The following UBFD1 variants were observed in gnomAD, a reference collection of about 807,000 sequenced individuals.
UBFD1 encodes the protein ubiquitin domain-containing protein UBFD1.
In UBFD1, 12 loss-of-function variants were observed where a neutral mutation model predicts 35.1. The observed-to-expected ratio is 0.34, with a 90% CI of 0.22 to 0.55. The LOEUF is 0.55. Among genes scored for constraint, UBFD1 ranks in the 20% least tolerant of loss-of-function variants. The pLI is 0.89. For missense variants in UBFD1, 337 were observed against 410.8 expected (o/e 0.82, Z 1.55); for synonymous variants, 178 against 167.6 (o/e 1.06, Z -0.48).
chr16:23,568,981 G>A (rs1271419893), intron 6 of UBFD1: 1 of 152,214 alleles, frequency 6.6e-6, no homozygotes, highest in African/African-American at 2.4e-5. Flanking sequence ...GGAGTCCAAG[G>A]AAGTTGAGTG....
chr16:23,557,909 C>T (rs773708399), intron 1 of UBFD1, 41 bp from the exon 2 acceptor site: 71 of 1,287,556 alleles, frequency 5.5e-5, no homozygotes, highest in Non-Finnish European at 6.6e-5. Context: ...CGTTCCCAAG[C>T]CCAGCCCGCG....
chr16:23,562,496 G>C (rs914832657), intron 4 of UBFD1, 129 bp from the exon 5 acceptor site: 2 of 869,048 alleles, frequency 2.3e-6, no homozygotes, highest in African/African-American at 1.7e-5. Context: ...TCCAACTCCT[G>C]ACCTCAGGTG....
chr16:23,574,125 T>C lies in UBFD1; in HGVS notation c.*3535T>C, dbSNP rs533498668. On this transcript the variant is annotated 3_prime_UTR_variant, in exon 7 of 7. Transcript: ENST00000395878. ...GATCTGCCAGGCTGGGTGGTTCTAC[T>C]GCTTTCTCAATTTCTAAGAACCTTT... 12 of 152,768 alleles carry C rather than the reference T, an allele frequency of 7.9e-5. No individual in the cohort carries two copies. The highest frequency in any genetic ancestry group is 2.9e-4 in the African/African-American group (12 of 41,578). The allele number at this position is 152,768 out of a possible 1,614,324, so 9.5% of individuals were successfully genotyped here.
intron 6 of UBFD1, 61 bp downstream of exon 6, chr16:23,567,130 A>G: frequency 6.7e-7 from 1 of 1,490,786 alleles, no homozygotes; most frequent in South Asian, 1.1e-5. Flanking sequence ...CTGGCAGGGA[A>G]CAGTTTTAAC....
At chr16:23,557,845 G>C in intron 1 of UBFD1, 78 bp downstream of exon 1, 1 of 1,272,688 alleles carries the variant, frequency 7.9e-7, no homozygotes, top group Non-Finnish European at 9.9e-7. Context: ...GGCCCGGCCC[G>C]GGAGGGAGAA....
At chr16:23,563,174 G>A (rs1214580206) in intron 5 of UBFD1, among the ~76,000 whole-genome samples, 1 of 152,026 alleles carries the variant, frequency 6.6e-6, no homozygotes, top group Non-Finnish European at 1.5e-5. Flanking sequence ...GAGCCGAGTG[G>A]TGGTTTCCAG....
intron 5 of UBFD1, 157 bp from the exon 6 acceptor site, chr16:23,566,829 TC>T: frequency 1.5e-6 from 1 of 662,110 alleles, no homozygotes; most frequent in Non-Finnish European, 2.6e-6. Flanking sequence ...TGTGCACTGG[TC>T]AGAAGACCCT....
In UBFD1 at chr16:23,573,807, A is replaced by C. The variant is rs777732287; in HGVS notation, c.*3217A>C. 7 of 152,616 alleles carry C rather than the reference A, an allele frequency of 4.6e-5. No homozygotes were observed. Among genetic ancestry groups the C allele is most frequent in the Non-Finnish European group, 1.0e-4 (7 of 68,058 alleles). 9.5% of individuals were successfully genotyped at this position (152,616 alleles called of 1,614,324 possible). On this transcript the variant is annotated 3_prime_UTR_variant, in exon 7 of 7. Coordinates refer to ENST00000395878, the MANE Select transcript of UBFD1 (RefSeq NM_019116.3). ...CCATTCTGGGCTCTTGCACTTGCCC[A>C]GCCTTTCTTTGCCAGGGGCAGAGAA...
At chr16:23,567,824 A>T (rs1168922854) in intron 6 of UBFD1, among the ~76,000 whole-genome samples, 1 of 152,272 alleles carries the variant, frequency 6.6e-6, no homozygotes, top group Non-Finnish European at 1.5e-5. Flanking sequence ...TTGTTCATCC[A>T]AGGAGGCAGG....
chr16:23,566,027 T>C (rs528416839), intron 5 of UBFD1: 2 of 152,430 alleles, frequency 1.3e-5, no homozygotes, highest in African/African-American at 4.8e-5. Flanking sequence ...TTACCTGCCA[T>C]CCTCCTTAAA....
chr16:23,558,387 T>A, intron 2 of UBFD1, 108 bp downstream of exon 2: 19 of 1,360,962 alleles, frequency 1.4e-5, no homozygotes, highest in Non-Finnish European at 1.8e-5. Context: ...CCCCCATCCT[T>A]ACAGCAGTCT....
chr16:23,570,703 A>G lies in UBFD1; in HGVS notation c.*113A>G, dbSNP rs1173711133. ...CTGGAACTTTGTTCATAAAAAATCT[A>G]TATTCAATCTGAGGTGATGTGGTGA... On this transcript the variant is annotated 3_prime_UTR_variant, in exon 7 of 7. Transcript: ENST00000395878. 14 of 827,054 alleles carry G rather than the reference A, an allele frequency of 1.7e-5. No individual in the cohort carries two copies. The highest frequency in any genetic ancestry group is 3.5e-4 in the Middle Eastern group (1 of 2,838). The allele number at this position is 827,054 out of a possible 1,614,324, so 51.2% of individuals were successfully genotyped here. A position where few individuals can be genotyped will look rare whatever the true frequency, so the allele number is the denominator to read the frequency against.
Position 23,558,074 on chromosome 16 carries a change from A to T in UBFD1, c.150A>T (p.Ala50=). Residue 50 remains alanine (A), a synonymous_variant, in exon 2 of 7, where the codon GCA becomes GCT. Transcript: ENST00000395878. The part of the protein sequence containing the change: ...AGAAAEDSGA[A]RGSLQPAPAQ... The stretch of plus-strand genomic sequence containing the variant: ...CGGCGGCCGAGGACTCCGGCGCCGC[A>T]CGAGGCAGCCTGCAGCCGGCCCCGG... 1 of 1,433,216 alleles carries T rather than the reference A, an allele frequency of 7.0e-7. No individual in the cohort carries two copies. Among genetic ancestry groups the T allele is most frequent in the Non-Finnish European group, 9.1e-7 (1 of 1,098,304 alleles). The allele number at this position is 1,433,216 out of a possible 1,614,324, so 88.8% of individuals were successfully genotyped here.
intron 5 of UBFD1, 118 bp downstream of exon 5, chr16:23,562,848 G>T: frequency 1.1e-6 from 1 of 876,026 alleles, no homozygotes; most frequent in Non-Finnish European, 1.8e-6. Flanking sequence ...ACTGTGCTTT[G>T]CTTGCTTCTG....
chr16:23,562,394 C>A, intron 4 of UBFD1, 123 bp downstream of exon 4: 2 of 952,124 alleles, frequency 2.1e-6, no homozygotes, highest in Non-Finnish European at 3.1e-6. Context: ...CAGAGTCTTG[C>A]TCTGTCACCC....
chr16:23,563,590 C>T (rs1965969637), intron 5 of UBFD1, among the ~76,000 whole-genome samples: 1 of 152,224 alleles, frequency 6.6e-6, no homozygotes, highest in Non-Finnish European at 1.5e-5. Flanking sequence ...TCTGTGTTTT[C>T]TTCTGTCCTG....
rs1342062924 is a variant in UBFD1 at position 23,562,287 on chromosome 16, T to G, written c.630+16T>G. 2 of 1,612,670 alleles carry G rather than the reference T, an allele frequency of 1.2e-6. No individual in the cohort carries two copies. Among genetic ancestry groups the G allele is most frequent in the Non-Finnish European group, 1.7e-6 (2 of 1,179,428 alleles). On this transcript the variant is annotated intron_variant, in intron 4 of 6. Transcript: ENST00000395878. ...GGGGGCCCAGGTAAGGCGGATTTCT[T>G]TGTGAGCATTCTGAAAATGAGGCAG...
In UBFD1 at chr16:23,567,082, G is replaced by A. The variant is rs1349654849; in HGVS notation, c.819+13G>A. 1 of 1,613,544 alleles carries A rather than the reference G, an allele frequency of 6.2e-7. No individual in the cohort carries two copies. The highest frequency in any genetic ancestry group is 1.3e-5 in the African/African-American group (1 of 75,036). On this transcript the variant is annotated intron_variant, in intron 6 of 6. Coordinates refer to ENST00000395878, the MANE Select transcript of UBFD1 (RefSeq NM_019116.3). ...CTACCACATGATGGTAAGTAGCGCT[G>A]GCTGAGTTCAGCCCCTCTCACTAGA...
Position 23,557,974 on chromosome 16 carries a change from C to T in UBFD1, c.50C>T (p.Thr17Met), listed in dbSNP as rs1205934021. Residue 17 changes from threonine (T) to methionine (M), a missense_variant, in exon 2 of 7, where the codon ACG becomes ATG. Around this residue, in one of 4 missense-constraint regions of UBFD1, gnomAD observed 198 missense variants for 168.4 expected, o/e 1.18. Transcript: ENST00000395878. The stretch of plus-strand genomic sequence containing the variant: ...GGCATGGAGGAACCTGGCATGGACA[C>T]GGAGGCCGAGACTGTGGCTACTGAG... ...PDGMEEPGMD[T>M]EAETVATEAP... is the part of the protein sequence containing the mutation. 1.5e-6 allele frequency: 2 copies of T among 1,364,868 alleles called. No homozygotes were observed. Among genetic ancestry groups the T allele is most frequent in the South Asian group, 4.8e-5 (2 of 41,924 alleles). 84.5% of individuals were successfully genotyped at this position (1,364,868 alleles called of 1,614,324 possible). A position where few individuals can be genotyped will look rare whatever the true frequency, so the allele number is the denominator to read the frequency against.
Sources: allele counts gnomAD v4.1 joint callset (sites outside exome capture counted in the v4.1 genomes callset), GRCh38; gene constraint gnomAD v4.1.1; regional missense constraint gnomAD v4.1.1; transcripts MANE v1.5; gene names NCBI Gene and HGNC (gene_info 2026-07-23, HGNC 2026-07-21).